OLFML2A: variants seen among roughly 807,000 people sequenced by gnomAD.
OLFML2A encodes olfactomedin like 2A.
Under a neutral mutation model 60.9 loss-of-function variants are expected in OLFML2A, and 47 were observed. The ratio of observed to expected loss-of-function variants is 0.77; its 90% CI spans 0.61 to 0.98. The LOEUF (loss-of-function observed/expected upper bound fraction) is 0.98, where lower values mean the gene tolerates loss of function less well. OLFML2A is among the 50% of genes least tolerant of loss of function. OLFML2A has a pLI of 0.00. For synonymous variants in OLFML2A, 372 were observed against 375.0 expected (o/e 0.99, Z 0.09); for missense variants, 922 against 879.8 (o/e 1.05, Z -0.61).
In OLFML2A at chr9:124,801,028, C is replaced by A; in HGVS notation, c.670-386C>A. On this transcript the variant is annotated intron_variant, in intron 4 of 7. Coordinates refer to ENST00000373580, the MANE Select transcript of OLFML2A (RefSeq NM_182487.4). ...GCCTAGGTGCCTAAGAACCTCTCCC[C>A]TGCCCACGTACTAAGACCAATGAGT... is the stretch of plus-strand genomic sequence containing the variant. The A allele has an allele frequency of 3.2e-6, 5 of 1,551,560 alleles. 1 individual carries two copies. Among genetic ancestry groups the A allele is most frequent in the Non-Finnish European group, 4.4e-6 (5 of 1,146,860 alleles).
In OLFML2A at chr9:124,795,085, A is replaced by C; in HGVS notation, c.416A>C (p.His139Pro). The C allele has an allele frequency of 6.2e-7, 1 of 1,609,104 alleles. No homozygotes were observed. The highest frequency in any genetic ancestry group is 8.5e-7 in the Non-Finnish European group (1 of 1,177,484). The change falls in exon 3 of 8, where the codon CAC becomes CCC. Residue 139 changes from histidine (H) to proline (P), a missense_variant. Transcript: ENST00000373580. ...TLYSMDLMKVHAYVHKVASQM... is the reference protein window; with the variant it reads ...TLYSMDLMKVPAYVHKVASQM... Reference sequence around the variant, plus strand: ...TACAGCATGGACTTGATGAAGGTGCACGCCTACGTCCACAAGGTGGCCTCC... The same window carrying C: ...TACAGCATGGACTTGATGAAGGTGCCCGCCTACGTCCACAAGGTGGCCTCC...
In OLFML2A at chr9:124,787,045, G is replaced by A. The variant is rs372948738; in HGVS notation, c.161G>A (p.Arg54Gln). ...GACTGCCGTTGCAAGTGCATCATGC[G>A]GCCCCTGAGCAAGGACGCGTGTAGC... Reference protein sequence around the residue: ...GSDCRCKCIMRPLSKDACSRV... With the variant: ...GSDCRCKCIMQPLSKDACSRV... The change falls in exon 2 of 8, where the codon CGG becomes CAG. Residue 54 changes from arginine (R) to glutamine (Q), a missense_variant. Physicochemically the swap from Arg to Gln is conservative, Grantham distance 43 (BLOSUM62 1). Transcript: ENST00000373580. The A allele has an allele frequency of 5.9e-5, 95 of 1,613,986 alleles. No individual in the cohort carries two copies. In the South Asian group the frequency reaches 6.3e-4, roughly 11 times the overall value.
In OLFML2A at chr9:124,809,895, C is replaced by A. The variant is rs763449293; in HGVS notation, c.1442C>A (p.Ala481Asp). 6 of 1,614,094 alleles carry A rather than the reference C, an allele frequency of 3.7e-6. No homozygotes were observed. Among genetic ancestry groups the A allele is most frequent in the Non-Finnish European group, 5.1e-6 (6 of 1,180,040 alleles). The change falls in exon 8 of 8, where the codon GCC (alanine) becomes GAC (aspartate). Residue 481 changes from alanine (A) to aspartate (D), a missense_variant. Transcript: ENST00000373580. ...CAGGGCGCCTTCTACTACAACCGCG[C>A]CTTCACCAAGAACATCATCAAGTAC... is the stretch of plus-strand genomic sequence containing the variant. ...VYQGAFYYNRAFTKNIIKYDL... is the reference protein window; with the variant it reads ...VYQGAFYYNRDFTKNIIKYDL...
At position 124,802,270 on chromosome 9, in the gene OLFML2A, T is replaced by G. The variant is rs536675828; in HGVS notation, c.919+607T>G. 1.5e-4 allele frequency among the ~76,000 whole-genome samples: 23 copies of G among 152,338 alleles called. No individual in the cohort carries two copies. The South Asian group carries it at 4.4e-3, about 29-fold the overall frequency. On this transcript the variant is annotated intron_variant, in intron 5 of 7. Transcript: ENST00000373580. ...AGATACCCCAAATTTCTGAGCCATC[T>G]CTACGGGTTGTGGTTCTTGATTCCC... is the stretch of plus-strand genomic sequence containing the variant.
At chr9:124,797,839 G>A (rs1841696782) in intron 3 of OLFML2A, among the ~76,000 whole-genome samples, 1 of 152,210 alleles carries the variant, frequency 6.6e-6, no homozygotes, top group Admixed American at 6.5e-5. Context: ...TTCACAGAGC[G>A]AGGGGCATTA....
chr9:124,800,207 T>C (rs898855774), intron 4 of OLFML2A, among the ~76,000 whole-genome samples: 1 of 152,222 alleles, frequency 6.6e-6, no homozygotes, highest in Non-Finnish European at 1.5e-5. Flanking sequence ...GCTGGGTATG[T>C]GGCTTGGCAA....
chr9:124,806,527 C>CG (rs1294625538), intron 6 of OLFML2A, among the ~76,000 whole-genome samples: 1 of 152,024 alleles, frequency 6.6e-6, no homozygotes, highest in Non-Finnish European at 1.5e-5. Context: ...CCTCAATCCC[C>CG]CCATCCACTA....
chr9:124,787,236 A>T lies in OLFML2A; in HGVS notation c.352A>T (p.Lys118Ter). ...CAAAAAGCAGGCGCCCGAGCTCCTC[A>T]AGGTAGACTTGGTGGGGTGATGGAG... The part of the protein sequence containing the change: ...KLKKQAPELL[K>*]LQSMVDLLEG... Residue 118 changes from lysine to a stop codon, truncating the protein, a stop_gained and splice_region_variant, in exon 2 of 8, where the codon AAG becomes TAG. Coordinates refer to ENST00000373580, the MANE Select transcript of OLFML2A (RefSeq NM_182487.4). LOFTEE classifies it high-confidence loss of function. The T allele has an allele frequency of 6.2e-7, 1 of 1,613,116 alleles. No individual in the cohort carries two copies. The highest frequency in any genetic ancestry group is 8.5e-7 in the Non-Finnish European group (1 of 1,179,162).
chr9:124,789,986 A>G (rs1036960638), intron 2 of OLFML2A, among the ~76,000 whole-genome samples: 3 of 152,206 alleles, frequency 2.0e-5, no homozygotes, highest in African/African-American at 7.2e-5. Context: ...AATATTGTAC[A>G]CATGTTTGAC....
chr9:124,803,870 G>T (rs1160123007), intron 5 of OLFML2A, among the ~76,000 whole-genome samples: 1 of 152,212 alleles, frequency 6.6e-6, no homozygotes, highest in Non-Finnish European at 1.5e-5. Flanking sequence ...AAGGCAGGGG[G>T]ACATGGCTGA....
intron 2 of OLFML2A, among the ~76,000 whole-genome samples, chr9:124,789,684 G>C (rs1841537739): frequency 6.6e-6 from 1 of 152,214 alleles, no homozygotes; most frequent in African/African-American, 2.4e-5. Context: ...AAAAGCAAGA[G>C]ATCTGGGAAG....
chr9:124,801,128 C>A, intron 4 of OLFML2A: 1 of 1,417,688 alleles, frequency 7.1e-7, no homozygotes. Flanking sequence ...TAGCCTGCCC[C>A]CCAGGGGGAT....
Position 124,810,133 on chromosome 9 carries a change from G to A in OLFML2A, c.1680G>A (p.Val560=). ...LSRLDPGDLS[V]HRETTWKTRL... ...GCTTGGACCCCGGCGATCTCTCCGT[G>A]CACCGGGAGACCACGTGGAAGACAC... Residue 560 remains valine (V), a synonymous_variant, in exon 8 of 8, where the codon GTG becomes GTA. Transcript: ENST00000373580. 6.2e-7 allele frequency: 1 copy of A among 1,613,860 alleles called. No individual in the cohort carries two copies. The highest frequency in any genetic ancestry group is 8.5e-7 in the Non-Finnish European group (1 of 1,180,010).
At chr9:124,797,238 C>T (rs1841685193) in intron 3 of OLFML2A, among the ~76,000 whole-genome samples, 1 of 152,224 alleles carries the variant, frequency 6.6e-6, no homozygotes, top group Admixed American at 6.5e-5. Flanking sequence ...GCCTTGGCCT[C>T]CCAAGGTGCT....
At chr9:124,783,492 T>C (rs554585045) in intron 1 of OLFML2A, among the ~76,000 whole-genome samples, 38 of 152,086 alleles carry the variant, frequency 2.5e-4, no homozygotes, top group Non-Finnish European at 4.6e-4. Context: ...ATAAGAAGAA[T>C]ACTTCACACT....
At chr9:124,778,635 AAATT>A (rs2131234608) in intron 1 of OLFML2A, among the ~76,000 whole-genome samples, 1 of 135,246 alleles carries the variant, frequency 7.4e-6, no homozygotes, top group East Asian at 2.1e-4. Flanking sequence ...AAAAAAAAAA[AAATT>A]AAATTAAATT....
chr9:124,813,129 A>T lies in OLFML2A; in HGVS notation c.*2717A>T, dbSNP rs1338674188. ...ACCAAGCCCAGCTAATTGTATTTTT[A>T]GTAGAGACAGGATTTCACCATGTTG... On this transcript the variant is annotated 3_prime_UTR_variant, in exon 8 of 8. Coordinates refer to ENST00000373580, the MANE Select transcript of OLFML2A (RefSeq NM_182487.4). 1 of 152,112 alleles carries T rather than the reference A, an allele frequency of 6.6e-6. No individual in the cohort carries two copies. The highest frequency in any genetic ancestry group is 1.5e-5 in the Non-Finnish European group (1 of 68,056). The allele number at this position is 152,112 out of a possible 1,614,324, so 9.4% of individuals were successfully genotyped here. A position where few individuals can be genotyped will look rare whatever the true frequency, so the allele number is the denominator to read the frequency against.
At position 124,800,796 on chromosome 9, in the gene OLFML2A, T is replaced by C. The variant is rs772465962; in HGVS notation, c.670-618T>C. 6.8e-6 allele frequency: 9 copies of C among 1,314,722 alleles called. No homozygotes were observed. The Admixed American group carries it at 1.8e-4, about 27-fold the overall frequency. The allele number at this position is 1,314,722 out of a possible 1,614,324, so 81.4% of individuals were successfully genotyped here. A position where few individuals can be genotyped will look rare whatever the true frequency, so the allele number is the denominator to read the frequency against. On this transcript the variant is annotated intron_variant, in intron 4 of 7. Coordinates refer to ENST00000373580, the MANE Select transcript of OLFML2A (RefSeq NM_182487.4). ...TAACGATGAGTGATGTCACAGGCCC[T>C]GTGTTCTTGTGCCAAGCCAGCATCG... is the stretch of plus-strand genomic sequence containing the variant.
Position 124,801,582 on chromosome 9 carries a change from G to C in OLFML2A, c.838G>C (p.Ala280Pro), listed in dbSNP as rs183770687. 1 of 1,613,988 alleles carries C rather than the reference G, an allele frequency of 6.2e-7. No homozygotes were observed. The highest frequency in any genetic ancestry group is 1.7e-5 in the Admixed American group (1 of 60,004). Residue 280 changes from alanine (A) to proline (P), a missense_variant, in exon 5 of 8, where the codon GCC becomes CCC. Physicochemically the swap from Ala to Pro is conservative, Grantham distance 27. Transcript: ENST00000373580. ...SFLQPTAKPRALAQQQAVIRG... is the reference protein window; with the variant it reads ...SFLQPTAKPRPLAQQQAVIRG... ...CCTCCAGCCCACAGCCAAGCCCCGC[G>C]CCCTGGCCCAGCAGCAGGCTGTGAT...
Sources: gnomAD v4.1 joint callset for allele counts (sites outside exome capture counted in the v4.1 genomes callset) on GRCh38, gnomAD v4.1.1 for gene constraint, MANE v1.5 for transcripts, NCBI Gene and HGNC (gene_info 2026-07-23, HGNC 2026-07-21) for gene names.